CFAP61: variants seen among roughly 807,000 people sequenced by gnomAD.
The protein encoded by CFAP61 is cilia and flagella associated protein 61, also known as cilia- and flagella-associated protein 61.
Under a neutral mutation model 135.6 loss-of-function variants are expected in CFAP61, and 107 were observed. That is an observed-to-expected ratio of 0.79 (90% confidence interval 0.67 to 0.93). The LOEUF (loss-of-function observed/expected upper bound fraction) is 0.93, where lower values mean the gene tolerates loss of function less well. CFAP61 is among the 40% of genes least tolerant of loss of function. CFAP61 has a pLI of 0.00. For missense variants in CFAP61, 1,507 were observed against 1,556.2 expected, an observed-to-expected ratio of 0.97 and a Z score of 0.53; for synonymous variants, 575 against 578.5, an observed-to-expected ratio of 0.99 and a Z score of 0.09.
At chr20:20,129,868 G>T (rs1245102501) in intron 8 of CFAP61, among the ~76,000 whole-genome samples, 4 of 151,154 alleles carry the variant, frequency 2.6e-5, no homozygotes, top group African/African-American at 9.8e-5. Flanking sequence ...CAGTTTATTT[G>T]CTACATTTTC....
intron 20 of CFAP61, chr20:20,253,961 C>G (rs1350690900): frequency 1.6e-5 from 1 of 63,322 alleles, no homozygotes. Context: ...CTCCTCCCCT[C>G]CCCTCCCCTC....
At chr20:20,077,229 A>G (rs1192111461) in intron 6 of CFAP61, among the ~76,000 whole-genome samples, 1 of 152,202 alleles carries the variant, frequency 6.6e-6, no homozygotes, top group Non-Finnish European at 1.5e-5. Context: ...AGTGGATGCT[A>G]CTCAGCAATT....
intron 8 of CFAP61, among the ~76,000 whole-genome samples, chr20:20,129,073 A>G (rs1204431845): frequency 6.6e-6 from 1 of 151,586 alleles, no homozygotes; most frequent in Non-Finnish European, 1.5e-5. Flanking sequence ...TGGACTTCAT[A>G]CTAGAGTTAT....
chr20:20,340,862 C>A (rs888636867), intron 25 of CFAP61, among the ~76,000 whole-genome samples: 1 of 152,050 alleles, frequency 6.6e-6, no homozygotes, highest in African/African-American at 2.4e-5. Flanking sequence ...AGCGAGTGGG[C>A]GTGGGGTGAG....
At chr20:20,301,494 T>G (rs1181686359) in intron 25 of CFAP61, among the ~76,000 whole-genome samples, 1 of 152,200 alleles carries the variant, frequency 6.6e-6, no homozygotes, top group Admixed American at 6.5e-5. Context: ...CCCCCAGCAG[T>G]GAATGAGAGA....
intron 25 of CFAP61, chr20:20,322,537 C>T (rs533617457): frequency 2.8e-4 from 72 of 257,166 alleles, no homozygotes; most frequent in Middle Eastern, 4.0e-3. Flanking sequence ...TATCTAAGCC[C>T]CCTTCTCAAT....
At chr20:20,165,093 A>G (rs2053718654) in intron 11 of CFAP61, among the ~76,000 whole-genome samples, 1 of 152,178 alleles carries the variant, frequency 6.6e-6, no homozygotes, top group South Asian at 2.1e-4. Context: ...GACACAGCCA[A>G]ACCATATCAC....
intron 4 of CFAP61, 21 bp downstream of exon 4, chr20:20,074,399 A>G (rs1270192882): frequency 6.3e-7 from 1 of 1,595,560 alleles, no homozygotes; most frequent in Non-Finnish European, 8.6e-7. Flanking sequence ...ATGGCCGTGC[A>G]GTGGTGAACA....
intron 18 of CFAP61, among the ~76,000 whole-genome samples, chr20:20,242,755 A>C (rs946803298): frequency 2.6e-5 from 4 of 152,240 alleles, no homozygotes; most frequent in African/African-American, 9.6e-5. Flanking sequence ...TTTGCTCTTA[A>C]AAAGGAATCC....
chr20:20,231,338 G>A (rs1032105154), intron 18 of CFAP61, among the ~76,000 whole-genome samples: 6 of 152,144 alleles, frequency 3.9e-5, no homozygotes, highest in African/African-American at 1.4e-4. Flanking sequence ...GGAGGAGCCT[G>A]TTGGGCCCTC....
chr20:20,288,933 C>T lies in CFAP61; in HGVS notation c.3121C>T (p.Gln1041Ter). The change falls in exon 23 of 27, where the codon CAA (glutamine) becomes TAA (stop). Residue 1041 changes from glutamine to a stop codon, truncating the protein, a stop_gained. Transcript: ENST00000245957. LOFTEE classifies it high-confidence loss of function. ...CCCCATGTACAAGGGAGCCAAGATT[C>T]AAGGTATACGAGTAGGCTTCCTTCT... ...LIPMYKGAKIQGGILPGSYHY... is the reference protein window; with the variant it reads ...LIPMYKGAKI 6.2e-7 allele frequency: 1 copy of T among 1,605,014 alleles called. No individual in the cohort carries two copies. Among genetic ancestry groups the T allele is most frequent in the Non-Finnish European group, 8.5e-7 (1 of 1,172,556 alleles).
intron 15 of CFAP61, among the ~76,000 whole-genome samples, chr20:20,194,523 G>T (rs1015841630): frequency 6.6e-6 from 1 of 152,142 alleles, no homozygotes; most frequent in Non-Finnish European, 1.5e-5. Context: ...GCAGTAAGTT[G>T]TATGTTTCTC....
At chr20:20,208,246 G>A (rs953760330) in intron 17 of CFAP61, among the ~76,000 whole-genome samples, 3 of 152,206 alleles carry the variant, frequency 2.0e-5, no homozygotes, top group African/African-American at 7.2e-5. Flanking sequence ...TATGTTCTAT[G>A]TGGCTGAGTT....
intron 2 of CFAP61, among the ~76,000 whole-genome samples, chr20:20,059,602 A>C (rs1004004467): frequency 1.3e-5 from 2 of 152,048 alleles, no homozygotes; most frequent in African/African-American, 4.8e-5. Flanking sequence ...TGGGTGACAC[A>C]GTGAGACTCC....
intron 8 of CFAP61, among the ~76,000 whole-genome samples, chr20:20,103,803 G>A (rs1372657482): frequency 6.6e-6 from 1 of 152,166 alleles, no homozygotes; most frequent in East Asian, 1.9e-4. Flanking sequence ...TTGGAATCAA[G>A]CTTGAGCTGG....
At chr20:20,221,804 A>G (rs2048421827) in intron 17 of CFAP61, 1 of 152,224 alleles carries the variant, frequency 6.6e-6, no homozygotes, top group African/African-American at 2.4e-5. Flanking sequence ...TTGCTTCACT[A>G]ATATCAAATT....
intron 8 of CFAP61, among the ~76,000 whole-genome samples, chr20:20,099,364 C>T (rs2047837850): frequency 6.6e-6 from 1 of 152,132 alleles, no homozygotes; most frequent in Admixed American, 6.5e-5. Flanking sequence ...TTGTCTGTAT[C>T]AAGATTTTCA....
chr20:20,288,254 C>T (rs1016314045), intron 22 of CFAP61, among the ~76,000 whole-genome samples: 1 of 152,110 alleles, frequency 6.6e-6, no homozygotes, highest in African/African-American at 2.4e-5. Flanking sequence ...ATGGAGGCTG[C>T]GCTAGAGCTG....
chr20:20,265,603 T>C (rs1221744690), intron 21 of CFAP61: 6 of 719,626 alleles, frequency 8.3e-6, no homozygotes, highest in African/African-American at 1.7e-5. Flanking sequence ...ATGTGGAAAT[T>C]AGTTTCCTGT....
Sources: gnomAD v4.1 joint callset for allele counts (sites outside exome capture counted in the v4.1 genomes callset) on GRCh38, gnomAD v4.1.1 for gene constraint, MANE v1.5 for transcripts, NCBI Gene and HGNC (gene_info 2026-07-23, HGNC 2026-07-21) for gene names.